Variants in PTTG1IP2 observed in about 807,000 individuals in gnomAD.
PTTG1IP2 encodes PTTG1IP family member 2.
intron 4 of PTTG1IP2, among the ~76,000 whole-genome samples, chr7:90,491,868 C>T (rs187675861): frequency 6.6e-6 from 1 of 152,114 alleles, no homozygotes; most frequent in Non-Finnish European, 1.5e-5. Context: ...CAGTGGTTCA[C>T]GCCTATAATC....
intron 1 of PTTG1IP2, among the ~76,000 whole-genome samples, chr7:90,472,734 G>T (rs1301683907): frequency 6.6e-6 from 1 of 152,136 alleles, no homozygotes; most frequent in Non-Finnish European, 1.5e-5. Flanking sequence ...TTCATCACCT[G>T]CATACCCAAT....
At chr7:90,472,303 CACACACACACACACACA>C (rs1290486276) in intron 1 of PTTG1IP2, among the ~76,000 whole-genome samples, 36 of 149,088 alleles carry the variant, frequency 2.4e-4, no homozygotes, top group East Asian at 9.7e-4. Context: ...CACACACACA[CACACACACACACACACA>C]CCCCAAATAA....
At chr7:90,488,666 C>T (rs1797904573) in intron 3 of PTTG1IP2, among the ~76,000 whole-genome samples, 1 of 151,936 alleles carries the variant, frequency 6.6e-6, no homozygotes, top group Admixed American at 6.6e-5. Context: ...ATGTTAACTC[C>T]TCTAGCAACC....
intron 6 of PTTG1IP2, among the ~76,000 whole-genome samples, chr7:90,500,905 A>C (rs1420643996): frequency 6.6e-6 from 1 of 152,220 alleles, no homozygotes; most frequent in Non-Finnish European, 1.5e-5. Context: ...ATTTAGGGGA[A>C]TATTGAGAGT....
intron 1 of PTTG1IP2, 162 bp downstream of exon 1, chr7:90,470,093 A>G (rs1797664162): frequency 6.6e-6 from 1 of 152,496 alleles, no homozygotes; most frequent in Non-Finnish European, 1.5e-5. Flanking sequence ...GGTGAAACTC[A>G]GTTAAATTGG....
At chr7:90,499,781 T>A (rs1379611067) in intron 6 of PTTG1IP2, among the ~76,000 whole-genome samples, 3 of 151,988 alleles carry the variant, frequency 2.0e-5, no homozygotes, top group African/African-American at 7.2e-5. Flanking sequence ...ACGGGTTTCA[T>A]CATGTTGGCC....
At chr7:90,473,775 C>T (rs1401220157) in intron 1 of PTTG1IP2, among the ~76,000 whole-genome samples, 1 of 152,180 alleles carries the variant, frequency 6.6e-6, no homozygotes, top group Non-Finnish European at 1.5e-5. Context: ...CAGAAGAACA[C>T]AGTTATTACA....
intron 2 of PTTG1IP2, among the ~76,000 whole-genome samples, chr7:90,485,222 T>C (rs936047188): frequency 6.6e-6 from 1 of 152,190 alleles, no homozygotes; most frequent in East Asian, 1.9e-4. Flanking sequence ...TCTACTATTT[T>C]TCCCCCTTGA....
intron 6 of PTTG1IP2, among the ~76,000 whole-genome samples, chr7:90,501,988 A>G (rs1798066438): frequency 1.3e-5 from 2 of 152,208 alleles, no homozygotes; most frequent in Admixed American, 1.3e-4. Context: ...GTAATATTCT[A>G]AACCCTTTGT....
chr7:90,487,883 C>G (rs1797894181), intron 3 of PTTG1IP2, among the ~76,000 whole-genome samples: 1 of 151,940 alleles, frequency 6.6e-6, no homozygotes, highest in South Asian at 2.1e-4. Context: ...TAAGCTAGTC[C>G]TGGTCTGAGG....
chr7:90,486,094 C>T (rs981500644), intron 2 of PTTG1IP2, among the ~76,000 whole-genome samples: 1 of 152,150 alleles, frequency 6.6e-6, no homozygotes, highest in Non-Finnish European at 1.5e-5. Context: ...ACCCTTGGTA[C>T]TTACGCAGTG....
chr7:90,472,467 A>T (rs1025692867), intron 1 of PTTG1IP2, among the ~76,000 whole-genome samples: 1 of 152,244 alleles, frequency 6.6e-6, no homozygotes, highest in Non-Finnish European at 1.5e-5. Context: ...TGAAATTAAA[A>T]GGCAGATAGC....
intron 2 of PTTG1IP2, among the ~76,000 whole-genome samples, chr7:90,486,365 G>C (rs1364929017): frequency 8.5e-6 from 1 of 118,156 alleles, no homozygotes; most frequent in Admixed American, 8.5e-5. Context: ...GTTGTCATGA[G>C]TATGAAGTGA....
chr7:90,480,393 T>G (rs1158343466), intron 2 of PTTG1IP2, among the ~76,000 whole-genome samples: 2 of 152,182 alleles, frequency 1.3e-5, no homozygotes, highest in Non-Finnish European at 2.9e-5. Context: ...TTCCAGTTTT[T>G]GTTGTCGTTA....
At chr7:90,470,942 T>C (rs1275273923) in intron 1 of PTTG1IP2, among the ~76,000 whole-genome samples, 1 of 144,916 alleles carries the variant, frequency 6.9e-6, no homozygotes, top group Admixed American at 6.9e-5. Flanking sequence ...CTTAAGACTT[T>C]ATCAAAATGC....
intron 6 of PTTG1IP2, among the ~76,000 whole-genome samples, chr7:90,504,141 C>G (rs1241063873): frequency 6.6e-6 from 1 of 151,732 alleles, no homozygotes; most frequent in African/African-American, 2.4e-5. Flanking sequence ...ATGGTGAAAC[C>G]CTATTTGTAC....
chr7:90,512,996 A>G (rs1356204698), intron 6 of PTTG1IP2, among the ~76,000 whole-genome samples: 1 of 152,226 alleles, frequency 6.6e-6, no homozygotes, highest in Non-Finnish European at 1.5e-5. Context: ...CTTCATGAAC[A>G]TTCCCTTTCG....
At chr7:90,490,121 T>C (rs1425759647) in intron 4 of PTTG1IP2, among the ~76,000 whole-genome samples, 1 of 152,072 alleles carries the variant, frequency 6.6e-6, no homozygotes, top group African/African-American at 2.4e-5. Flanking sequence ...AGGAGAATTT[T>C]GTGGTTCCTA....
chr7:90,470,587 T>G (rs540728188), intron 1 of PTTG1IP2, among the ~76,000 whole-genome samples: 1 of 152,192 alleles, frequency 6.6e-6, no homozygotes, highest in African/African-American at 2.4e-5. Context: ...GTTTCCAGAG[T>G]AGAAAAGAAT....
Sources: gnomAD v4.1 joint callset for allele counts (sites outside exome capture counted in the v4.1 genomes callset) on GRCh38, gnomAD v4.1.1 for gene constraint, MANE v1.5 for transcripts, NCBI Gene and HGNC (gene_info 2026-07-23, HGNC 2026-07-21) for gene names.